The following MEIOB variants were observed in gnomAD, a reference collection of about 807,000 sequenced individuals.
The protein encoded by MEIOB is meiosis-specific with OB domain-containing protein.
Under a neutral mutation model 53.1 loss-of-function variants are expected in MEIOB, and 50 were observed. The observed-to-expected ratio is 0.94, with a 90% CI of 0.75 to 1.19. MEIOB has a LOEUF of 1.19. MEIOB is among the 50% of genes most tolerant of loss of function. The probability of loss-of-function intolerance (pLI) is 0.00; values close to 1 mark genes in which losing one functional copy is unlikely to be tolerated. For synonymous variants in MEIOB, 192 were observed against 182.5 expected (o/e 1.05, Z -0.42); for missense variants, 551 against 550.8 (o/e 1.00, Z 0.00).
intron 12 of MEIOB, 127 bp downstream of exon 12, chr16:1,839,127 AT>A (rs144626961): frequency 8.9e-7 from 1 of 1,124,744 alleles, no homozygotes; most frequent in Non-Finnish European, 1.2e-6. Flanking sequence ...AAGCAAGATG[AT>A]TTTTTCCCAG....
chr16:1,849,664 TA>T (rs199792431), intron 9 of MEIOB, among the ~76,000 whole-genome samples: 13 of 145,108 alleles, frequency 9.0e-5, no homozygotes, highest in East Asian at 2.0e-4. Flanking sequence ...AAAGTAAAAC[TA>T]AAAAAAAAAG....
intron 10 of MEIOB, among the ~76,000 whole-genome samples, chr16:1,842,869 A>C (rs1043521828): frequency 2.0e-5 from 3 of 148,446 alleles, no homozygotes; most frequent in Non-Finnish European, 3.0e-5. Context: ...TCACCGTGTT[A>C]GCCAGGATGG....
chr16:1,853,952 T>G, intron 7 of MEIOB, 148 bp downstream of exon 7: 1 of 632,808 alleles, frequency 1.6e-6, no homozygotes, highest in Non-Finnish European at 2.8e-6. Context: ...AACTCAACAT[T>G]CAAGAGTGAG....
rs72764812 is a variant in MEIOB at position 1,870,429 on chromosome 16, T to C, written c.-10+1564A>G. Among the ~76,000 whole-genome samples, 511 of 152,296 alleles carry C rather than the reference T, an allele frequency of 3.4e-3. 2 individuals carry two copies. Among genetic ancestry groups the C allele is most frequent in the Non-Finnish European group, 6.0e-3 (410 of 68,026 alleles). ...TCTGGGAATGCCCACACCCACCCGC[T>C]CCAGTTCAAGGACGTGTCTCATGAC... On this transcript the variant is annotated intron_variant, in intron 1 of 13. Transcript: ENST00000325962.
intron 1 of MEIOB, among the ~76,000 whole-genome samples, chr16:1,870,673 T>C (rs1202691701): frequency 7.2e-5 from 11 of 152,204 alleles, no homozygotes; most frequent in African/African-American, 1.9e-4. Context: ...GTCAATATTA[T>C]CCAATGTACC....
At chr16:1,861,871 G>A (rs1899452611) in intron 4 of MEIOB, 114 bp downstream of exon 4, 2 of 1,126,454 alleles carry the variant, frequency 1.8e-6, no homozygotes, top group South Asian at 3.2e-5. Flanking sequence ...TTCTGATAAA[G>A]TTCTTGAGAA....
At chr16:1,863,189 A>T (rs886674843) in intron 3 of MEIOB, among the ~76,000 whole-genome samples, 2 of 152,070 alleles carry the variant, frequency 1.3e-5, no homozygotes, top group Admixed American at 1.3e-4. Context: ...ACTGCACTCC[A>T]GCCTGGGAAG....
chr16:1,849,842 T>G (rs555681817), intron 9 of MEIOB, among the ~76,000 whole-genome samples: 1 of 152,246 alleles, frequency 6.6e-6, no homozygotes, highest in Non-Finnish European at 1.5e-5. Flanking sequence ...GAGAACAGAT[T>G]TTACGTGTTC....
intron 11 of MEIOB, among the ~76,000 whole-genome samples, chr16:1,841,488 A>AT (rs1221707581): frequency 3.3e-5 from 5 of 151,646 alleles, no homozygotes; most frequent in South Asian, 2.1e-4. Context: ...CTTGAAAATA[A>AT]TTTTTTTTTA....
At chr16:1,841,619 G>A (rs1898913491) in intron 11 of MEIOB, among the ~76,000 whole-genome samples, 2 of 152,264 alleles carry the variant, frequency 1.3e-5, no homozygotes, top group South Asian at 2.1e-4. Flanking sequence ...TGGAAATACA[G>A]ATTATATTTT....
chr16:1,855,450 A>G (rs1340862627), intron 6 of MEIOB, among the ~76,000 whole-genome samples: 2 of 152,164 alleles, frequency 1.3e-5, no homozygotes, highest in Non-Finnish European at 2.9e-5. Context: ...AAAAGAAAAA[A>G]AAAGTATGAA....
At chr16:1,849,532 TG>T (rs1318934086) in intron 9 of MEIOB, among the ~76,000 whole-genome samples, 5 of 77,958 alleles carry the variant, frequency 6.4e-5, no homozygotes, top group Non-Finnish European at 1.2e-4. Flanking sequence ...GGTGACAGAG[TG>T]AGACTCCGTC....
chr16:1,868,252 C>G (rs1384483018), intron 1 of MEIOB, 68 bp from the exon 2 acceptor site: 2 of 926,608 alleles, frequency 2.2e-6, no homozygotes, highest in African/African-American at 3.3e-5. Context: ...TAAAAAATTC[C>G]AAGAGTTTAA....
chr16:1,850,852 C>CG (rs1899153055), intron 9 of MEIOB, among the ~76,000 whole-genome samples: 1 of 151,638 alleles, frequency 6.6e-6, no homozygotes, highest in African/African-American at 2.4e-5. Flanking sequence ...ACCCGGGAGG[C>CG]GGAGCTTGCA....
chr16:1,868,389 T>A (rs990854551), intron 1 of MEIOB, among the ~76,000 whole-genome samples: 1 of 152,010 alleles, frequency 6.6e-6, no homozygotes, highest in East Asian at 1.9e-4. Context: ...AAACCTCACG[T>A]GGTAGCGGGC....
At chr16:1,839,481 C>T in intron 11 of MEIOB, 43 bp from the exon 12 acceptor site, 1 of 1,524,280 alleles carries the variant, frequency 6.6e-7, no homozygotes, top group Middle Eastern at 2.0e-4. Flanking sequence ...ATGCCCTAAG[C>T]TACAAATTTC....
chr16:1,865,482 CGTGTACACACATACACACACAT>C (rs1465432917), intron 3 of MEIOB, among the ~76,000 whole-genome samples: 80 of 5,506 alleles, frequency 0.015, no homozygotes, highest in African/African-American at 0.037. Context: ...TATACACACA[CGTGTACACACATACACACACAT>C]ACACATGCAC....
At chr16:1,861,473 T>TA (rs1216019519) in intron 4 of MEIOB, among the ~76,000 whole-genome samples, 1 of 150,484 alleles carries the variant, frequency 6.6e-6, no homozygotes, top group Non-Finnish European at 1.5e-5. Context: ...GGTTATTTAG[T>TA]AAAAATATAA....
chr16:1,861,956 A>AT (rs754385764), intron 4 of MEIOB, 29 bp downstream of exon 4: 6 of 1,544,258 alleles, frequency 3.9e-6, no homozygotes, highest in Non-Finnish European at 5.2e-6. Context: ...ACTATGATGG[A>AT]AAAAGTTTAA....
Sources: gnomAD v4.1 joint callset for allele counts (sites outside exome capture counted in the v4.1 genomes callset) on GRCh38, gnomAD v4.1.1 for gene constraint, MANE v1.5 for transcripts, NCBI Gene and HGNC (gene_info 2026-07-23, HGNC 2026-07-21) for gene names.